CTNNA2: variants seen among roughly 807,000 people sequenced by gnomAD.
CTNNA2 encodes the protein catenin alpha-2.
In CTNNA2, 42 loss-of-function variants were observed where a neutral mutation model predicts 101.0. The ratio of observed to expected loss-of-function variants is 0.42; its 90% CI spans 0.32 to 0.54. CTNNA2 has a LOEUF of 0.54. Ranked by LOEUF, CTNNA2 falls within the 20% of genes least tolerant of loss-of-function variation. The pLI is 0.14. For synonymous variants in CTNNA2, 450 were observed against 456.4 expected (o/e 0.99, Z 0.18); for missense variants, 871 against 1,223.1 (o/e 0.71, Z 4.29).
chr2:79,985,664 C>T (rs534699413), intron 7 of CTNNA2, among the ~76,000 whole-genome samples: 1 of 152,156 alleles, frequency 6.6e-6, no homozygotes, highest in Non-Finnish European at 1.5e-5. Context: ...AACTAATCTA[C>T]TGTATATGTT....
intron 7 of CTNNA2, among the ~76,000 whole-genome samples, chr2:80,362,605 T>TGAATCTAATATTTAAGTG (rs60991754): frequency 0.35 from 52,804 of 151,542 alleles, 10,481 homozygotes; most frequent in African/African-American, 0.54. Context: ...GGTTAATACA[T>TGAATCTAATATTTAAGTG]GAATCTAATA....
At chr2:79,481,445 T>C (rs1671108713) in intron 4 of CTNNA2, among the ~76,000 whole-genome samples, 1 of 151,518 alleles carries the variant, frequency 6.6e-6, no homozygotes, top group Admixed American at 6.6e-5. Context: ...GAGAAGAGAG[T>C]ATGGGAAGAG....
chr2:80,367,508 TTTTA>T (rs1252365851), intron 7 of CTNNA2, among the ~76,000 whole-genome samples: 5 of 152,086 alleles, frequency 3.3e-5, no homozygotes, highest in Non-Finnish European at 5.9e-5. Context: ...ATTTTAAAAC[TTTTA>T]TTTGTTTTAT....
At chr2:80,366,424 G>A (rs957682397) in intron 7 of CTNNA2, among the ~76,000 whole-genome samples, 6 of 152,270 alleles carry the variant, frequency 3.9e-5, no homozygotes, top group Non-Finnish European at 2.9e-5. Context: ...CGGCGTGTGT[G>A]TATGCATGCA....
At chr2:79,819,001 A>AC (rs1677797155) in intron 3 of CTNNA2, among the ~76,000 whole-genome samples, 1 of 142,710 alleles carries the variant, frequency 7.0e-6, no homozygotes, top group South Asian at 2.2e-4. Context: ...TTTAATTGAG[A>AC]CGGAGTCTCA....
chr2:80,421,286 T>C (rs1439256420), intron 9 of CTNNA2, among the ~76,000 whole-genome samples: 1 of 152,228 alleles, frequency 6.6e-6, no homozygotes, highest in African/African-American at 2.4e-5. Context: ...CAGAGTTTAC[T>C]GAAAATATTC....
Position 80,395,096 on chromosome 2 carries a change from T to A in CTNNA2, c.1137+1805T>A, listed in dbSNP as rs183697449. On this transcript the variant is annotated intron_variant, in intron 8 of 18. Coordinates refer to ENST00000402739, the MANE Select transcript of CTNNA2 (RefSeq NM_001282597.3). The stretch of plus-strand genomic sequence containing the variant: ...AGTAATTTTTACTCTTATGTTACAA[T>A]TCCTGGAAAGGGTTGACTCTTTTTA... 7.9e-5 allele frequency among the ~76,000 whole-genome samples: 12 copies of A among 152,298 alleles called. No homozygotes were observed. In the East Asian group the frequency reaches 2.3e-3, roughly 29 times the overall value.
intron 2 of CTNNA2, among the ~76,000 whole-genome samples, chr2:79,285,233 T>A (rs1353515918): frequency 4.0e-5 from 6 of 150,210 alleles, no homozygotes; most frequent in East Asian, 3.9e-4. Context: ...TTTTGAAGGG[T>A]TTTTTGTGTC....
chr2:79,739,537 A>T (rs1353827344), intron 2 of CTNNA2, among the ~76,000 whole-genome samples: 3 of 152,234 alleles, frequency 2.0e-5, no homozygotes, highest in African/African-American at 7.2e-5. Flanking sequence ...TGTTTAAGAA[A>T]GCATGCTGAT....
chr2:79,847,053 A>G (rs761995984), intron 3 of CTNNA2, among the ~76,000 whole-genome samples: 3 of 152,200 alleles, frequency 2.0e-5, no homozygotes, highest in Non-Finnish European at 2.9e-5. Context: ...TTTTAATGTC[A>G]GTTGTTCTTT....
At chr2:79,478,883 C>T (rs1426146336) in intron 4 of CTNNA2, among the ~76,000 whole-genome samples, 1 of 152,140 alleles carries the variant, frequency 6.6e-6, no homozygotes, top group Admixed American at 6.5e-5. Context: ...AAAGTGAAGG[C>T]CATTACACAT....
intron 3 of CTNNA2, among the ~76,000 whole-genome samples, chr2:79,841,434 G>A (rs1679800842): frequency 6.6e-6 from 1 of 152,070 alleles, no homozygotes; most frequent in Non-Finnish European, 1.5e-5. Context: ...AAGATTCAGA[G>A]GAGTCCCAAG....
rs77654361 is a variant in CTNNA2 at position 80,378,444 on chromosome 2, T to C, written c.1057-14767T>C. ...CATAATGTCACATGAACTTGCAGTA[T>C]ACACACACACACACACACACACACA... On this transcript the variant is annotated intron_variant, in intron 7 of 18. Transcript: ENST00000402739. Among the ~76,000 whole-genome samples the C allele has an allele frequency of 4.9e-4, 72 of 147,900 alleles. No individual in the cohort carries two copies. In the East Asian group the frequency reaches 0.012, roughly 26 times the overall value.
intron 6 of CTNNA2, among the ~76,000 whole-genome samples, chr2:79,896,409 T>A (rs991518350): frequency 2.6e-5 from 4 of 152,174 alleles, no homozygotes; most frequent in Admixed American, 2.0e-4. Flanking sequence ...AATGTACATA[T>A]CTAACTAAAA....
chr2:79,595,166 C>A (rs896083069), intron 1 of CTNNA2, among the ~76,000 whole-genome samples: 3 of 152,176 alleles, frequency 2.0e-5, no homozygotes, highest in African/African-American at 7.2e-5. Flanking sequence ...CCATTCCACT[C>A]TCACCCGGTT....
At position 79,206,287 on chromosome 2, in the gene CTNNA2, G is replaced by GA. The variant is rs561219212; in HGVS notation, c.-406+8224dup. Among the ~76,000 whole-genome samples the GA allele has an allele frequency of 2.7e-3, 333 of 122,372 alleles. 1 individual carries two copies. The highest frequency in any genetic ancestry group is 7.9e-3 in the East Asian group (32 of 4,034). 80.3% of individuals were successfully genotyped at this position (122,372 alleles called of 152,430 possible). A position where few individuals can be genotyped will look rare whatever the true frequency, so the allele number is the denominator to read the frequency against. The stretch of plus-strand genomic sequence containing the variant: ...TTTCTTTATAATAATGTTTGAATAA[G>GA]AAAAAAAAAAAAAGAACCTGACTAG... On this transcript the variant is annotated intron_variant, in intron 2 of 21. Coordinates refer to the CTNNA2 transcript ENST00000466387.
chr2:80,504,699 T>G (rs1688134770), intron 9 of CTNNA2, among the ~76,000 whole-genome samples: 1 of 152,142 alleles, frequency 6.6e-6, no homozygotes, highest in African/African-American at 2.4e-5. Context: ...AAAATGGAAT[T>G]GTAATCATAC....
At chr2:79,360,875 T>G (rs2104446706) in intron 3 of CTNNA2, among the ~76,000 whole-genome samples, 1 of 152,212 alleles carries the variant, frequency 6.6e-6, no homozygotes, top group South Asian at 2.1e-4. Context: ...GAAAATAAAT[T>G]GAGTAAATAA....
chr2:79,185,882 G>A (rs1250403060), intron 1 of CTNNA2, among the ~76,000 whole-genome samples: 1 of 152,186 alleles, frequency 6.6e-6, no homozygotes, highest in East Asian at 1.9e-4. Flanking sequence ...AAGGGAAGAT[G>A]TGTGGTGTTT....
Sources: gnomAD v4.1 joint callset for allele counts (sites outside exome capture counted in the v4.1 genomes callset) on GRCh38, gnomAD v4.1.1 for gene constraint, MANE v1.5 for transcripts, NCBI Gene and HGNC (gene_info 2026-07-23, HGNC 2026-07-21) for gene names.